The following EXOC6B variants were observed in gnomAD, a reference collection of about 807,000 sequenced individuals.
EXOC6B encodes the protein exocyst complex component 6B.
EXOC6B carries 54 observed loss-of-function variants against 113.5 expected under a neutral mutation model. The observed-to-expected ratio is 0.48, with a 90% CI of 0.38 to 0.60. The LOEUF is 0.60. Ranked by LOEUF, EXOC6B falls within the 20% of genes least tolerant of loss-of-function variation. The probability of loss-of-function intolerance (pLI) is 0.00; values close to 1 mark genes in which losing one functional copy is unlikely to be tolerated. For synonymous variants in EXOC6B, 357 were observed against 339.0 expected (o/e 1.05, Z -0.58); for missense variants, 797 against 977.5 (o/e 0.82, Z 2.46).
intron 20 of EXOC6B, among the ~76,000 whole-genome samples, chr2:72,273,440 A>G (rs1030000793): frequency 6.6e-6 from 1 of 152,140 alleles, no homozygotes; most frequent in Admixed American, 6.6e-5. Context: ...GAGGAGACAT[A>G]CAGGCAAATA....
rs182337978 is a variant in EXOC6B, at chr2:72,185,790, C to T, written c.2197-1603G>A. Among the ~76,000 whole-genome samples, 901 of 149,494 alleles carry T rather than the reference C, an allele frequency of 6.0e-3. 24 individuals carry two copies. In the East Asian group the frequency reaches 0.092, roughly 15 times the overall value. ...TAAGTTCTAGGGTACATGTGCACAA[C>T]GTGCAGGTTTGTTACATATGTATAC... On this transcript the variant is annotated intron_variant, in intron 20 of 21. Coordinates refer to ENST00000272427, the MANE Select transcript of EXOC6B (RefSeq NM_015189.3).
In EXOC6B at chr2:72,334,982, C is replaced by T. The variant is rs1321037162; in HGVS notation, c.2161G>A (p.Asp721Asn). The T allele has an allele frequency of 6.2e-7, 1 of 1,613,378 alleles. No homozygotes were observed. The highest frequency in any genetic ancestry group is 1.1e-5 in the South Asian group (1 of 91,066). ...TCGATGAAGGCCAACTGCAGCGTGTCCTCCTGGAACCCAGGCACCGGGCCG... is the reference window on the plus strand; with the variant it reads ...TCGATGAAGGCCAACTGCAGCGTGTTCTCCTGGAACCCAGGCACCGGGCCG... ...RSGPVPGFQE[D>N]TLQLAFIDLR... Residue 721 changes from aspartate (D) to asparagine (N), a missense_variant, in exon 20 of 22, where the codon GAC becomes AAC. Physicochemically the swap from Asp to Asn is conservative, Grantham distance 23. Transcript: ENST00000272427.
At chr2:72,353,514 G>A (rs1351497966) in intron 19 of EXOC6B, among the ~76,000 whole-genome samples, 1 of 151,950 alleles carries the variant, frequency 6.6e-6, no homozygotes, top group Non-Finnish European at 1.5e-5. Flanking sequence ...TGGGATTACA[G>A]GCACCTGCCA....
chr2:72,333,707 CA>C (rs1688530902), intron 20 of EXOC6B, among the ~76,000 whole-genome samples: 2 of 152,056 alleles, frequency 1.3e-5, no homozygotes, highest in Admixed American at 6.6e-5. Flanking sequence ...CCTTGGCCCC[CA>C]AATATTAAGT....
At chr2:72,317,500 G>A (rs962396594) in intron 20 of EXOC6B, among the ~76,000 whole-genome samples, 39 of 151,114 alleles carry the variant, frequency 2.6e-4, no homozygotes, top group African/African-American at 9.0e-4. Flanking sequence ...GTTTATAAGG[G>A]AAGAAATAAT....
At chr2:72,453,290 G>C (rs1390346549) in intron 18 of EXOC6B, among the ~76,000 whole-genome samples, 1 of 151,946 alleles carries the variant, frequency 6.6e-6, no homozygotes, top group African/African-American at 2.4e-5. Context: ...CTAAAAATGT[G>C]GATATTTTTT....
intron 6 of EXOC6B, among the ~76,000 whole-genome samples, chr2:72,634,471 G>A (rs1022862303): frequency 1.3e-5 from 2 of 152,088 alleles, no homozygotes; most frequent in Non-Finnish European, 2.9e-5. Flanking sequence ...CCCCACCTTA[G>A]GGATGGTGTC....
At chr2:72,618,873 C>G (rs571525684) in intron 6 of EXOC6B, among the ~76,000 whole-genome samples, 6 of 152,330 alleles carry the variant, frequency 3.9e-5, no homozygotes, top group Non-Finnish European at 8.8e-5. Context: ...GTAATCCCAA[C>G]TCCTTACCAT....
At chr2:72,497,248 C>T (rs1443395719) in intron 13 of EXOC6B, among the ~76,000 whole-genome samples, 1 of 152,044 alleles carries the variant, frequency 6.6e-6, no homozygotes, top group Non-Finnish European at 1.5e-5. Context: ...GCTGGGATTA[C>T]AGGCATGACC....
chr2:72,614,659 C>A (rs1671280776), intron 6 of EXOC6B, among the ~76,000 whole-genome samples: 1 of 152,168 alleles, frequency 6.6e-6, no homozygotes. Flanking sequence ...ACCAGCACTT[C>A]TGCTTAAAAC....
intron 8 of EXOC6B, among the ~76,000 whole-genome samples, chr2:72,532,557 C>A (rs1024828764): frequency 1.3e-5 from 2 of 152,094 alleles, no homozygotes; most frequent in African/African-American, 4.8e-5. Context: ...CACCTGTAAT[C>A]CCAGCACTTT....
chr2:72,388,306 G>A (rs1399871122), intron 18 of EXOC6B, among the ~76,000 whole-genome samples: 2 of 152,122 alleles, frequency 1.3e-5, no homozygotes, highest in African/African-American at 4.8e-5. Context: ...CCTTGAGAAA[G>A]AGGTTATTTA....
intron 6 of EXOC6B, among the ~76,000 whole-genome samples, chr2:72,613,147 T>C (rs1000470108): frequency 7.9e-5 from 12 of 152,186 alleles, no homozygotes; most frequent in African/African-American, 2.7e-4. Context: ...TCAGTGTTCA[T>C]ATAACAAAAC....
chr2:72,743,363 T>C (rs1256778069), intron 1 of EXOC6B, among the ~76,000 whole-genome samples: 1 of 152,164 alleles, frequency 6.6e-6, no homozygotes, highest in African/African-American at 2.4e-5. Flanking sequence ...CCCTACATAA[T>C]GTAACCTCAC....
intron 18 of EXOC6B, among the ~76,000 whole-genome samples, chr2:72,399,189 T>C (rs1387091057): frequency 6.6e-6 from 1 of 152,082 alleles, no homozygotes; most frequent in East Asian, 1.9e-4. Context: ...TGAAAAAGCA[T>C]TTGATAAAAT....
chr2:72,459,646 A>G (rs1170358101), intron 18 of EXOC6B, among the ~76,000 whole-genome samples: 7 of 152,150 alleles, frequency 4.6e-5, no homozygotes, highest in Admixed American at 3.3e-4. Context: ...TCCAACTTAC[A>G]AGGGATGTGA....
chr2:72,811,924 A>G (rs1305542847), intron 1 of EXOC6B, among the ~76,000 whole-genome samples: 2 of 152,220 alleles, frequency 1.3e-5, no homozygotes, highest in Admixed American at 6.5e-5. Context: ...TCCACAAAAA[A>G]ACCTAAAGTT....
In EXOC6B at chr2:72,351,293, GTTTGGTGTTA is replaced by G. The variant is rs1363696017; in HGVS notation, c.2123-16283_2123-16274del. Among the ~76,000 whole-genome samples, 18 of 152,320 alleles carry G rather than the reference GTTTGGTGTTA, an allele frequency of 1.2e-4. 1 individual carries two copies. In the East Asian group the frequency reaches 3.5e-3, roughly 29 times the overall value. Reference sequence around the variant, plus strand: ...TCTTTTATTTGTGGTCCCATTATATGTTTGGTGTTATTTACAATTAAACGGTTCATAGTCA... The same window carrying G: ...TCTTTTATTTGTGGTCCCATTATATGTTTACAATTAAACGGTTCATAGTCA... On this transcript the variant is annotated intron_variant, in intron 19 of 21. Transcript: ENST00000272427.
At chr2:72,486,866 T>TAA (rs1364608645) in intron 16 of EXOC6B, among the ~76,000 whole-genome samples, 2 of 146,804 alleles carry the variant, frequency 1.4e-5, no homozygotes, top group African/African-American at 5.1e-5. Context: ...CATTAAAAAA[T>TAA]AAAACAAAAA....
Sources: allele counts gnomAD v4.1 joint callset (sites outside exome capture counted in the v4.1 genomes callset), GRCh38; gene constraint gnomAD v4.1.1; transcripts MANE v1.5; gene names NCBI Gene and HGNC (gene_info 2026-07-23, HGNC 2026-07-21).